The following RIMBP2 variants were observed in gnomAD, a reference collection of about 807,000 sequenced individuals.
RIMBP2 encodes the protein RIMS-binding protein 2.
Under a neutral mutation model 118.6 loss-of-function variants are expected in RIMBP2, and 48 were observed. That is an observed-to-expected ratio of 0.40 (90% CI 0.32 to 0.51). The LOEUF is 0.51. RIMBP2 is among the 20% of genes least tolerant of loss of function. RIMBP2 has a pLI of 0.41. For missense variants in RIMBP2, 1,551 were observed against 1,768.3 expected, an observed-to-expected ratio of 0.88 and a Z score of 2.20; for synonymous variants, 762 against 742.9, an observed-to-expected ratio of 1.03 and a Z score of -0.42.
chr12:130,622,090 A>T lies in RIMBP2; in HGVS notation c.-217+6232T>A, dbSNP rs969049716. Reference sequence around the variant, plus strand: ...AGTAACGACATTAAGAGCCATTTTAACTAGACATTTCCGCACAAATAAAAT... The same window carrying T: ...AGTAACGACATTAAGAGCCATTTTATCTAGACATTTCCGCACAAATAAAAT... On this transcript the variant is annotated intron_variant, in intron 2 of 22. Transcript: ENST00000690449. This position sits in a 1 kb window ranked among gnomAD's most constrained non-coding sequence, Gnocchi z 8.5. Among the ~76,000 whole-genome samples the T allele has an allele frequency of 2.0e-5, 3 of 152,268 alleles. No individual in the cohort carries two copies. Among genetic ancestry groups the T allele is most frequent in the African/African-American group, 7.2e-5 (3 of 41,476 alleles).
At chr12:130,488,326 A>G (rs1159900551) in intron 4 of RIMBP2, among the ~76,000 whole-genome samples, 6 of 152,188 alleles carry the variant, frequency 3.9e-5, no homozygotes, top group Non-Finnish European at 7.4e-5. Context: ...GGATGGCGAA[A>G]AAAAAGTTTA....
intron 4 of RIMBP2, among the ~76,000 whole-genome samples, chr12:130,483,494 G>A (rs1196695265): frequency 6.6e-6 from 1 of 152,258 alleles, no homozygotes; most frequent in Non-Finnish European, 1.5e-5. Context: ...GATGGGAGCT[G>A]CAGTCCTGCT....
At chr12:130,603,322 G>A (rs2140455825) in intron 2 of RIMBP2, among the ~76,000 whole-genome samples, 1 of 152,326 alleles carries the variant, frequency 6.6e-6, no homozygotes, top group South Asian at 2.1e-4. Context: ...AGTCTCTGTT[G>A]AAATAGAAGT....
chr12:130,696,263 G>A (rs1413026841), intron 1 of RIMBP2, among the ~76,000 whole-genome samples: 1 of 152,196 alleles, frequency 6.6e-6, no homozygotes, highest in Non-Finnish European at 1.5e-5. Flanking sequence ...GCCTGGGGAG[G>A]GCAGAGACAG....
chr12:130,622,189 G>T lies in RIMBP2; in HGVS notation c.-217+6133C>A, dbSNP rs540185303. ...GAACTTGCAGGCCTGTTTGTTTCAG[G>T]TTGGATCCTGGGTAACAGGCAGGGC... On this transcript the variant is annotated intron_variant, in intron 2 of 22. Transcript: ENST00000690449. This position sits in a 1 kb window ranked among gnomAD's most constrained non-coding sequence, Gnocchi z 8.5. Among the ~76,000 whole-genome samples the T allele has an allele frequency of 1.3e-5, 2 of 152,282 alleles. No homozygotes were observed. Among genetic ancestry groups the T allele is most frequent in the Admixed American group, 1.3e-4 (2 of 15,288 alleles).
At position 130,576,978 on chromosome 12, in the gene RIMBP2, G is replaced by A. The variant is rs1488885840; in HGVS notation, c.-217+51344C>T. Among the ~76,000 whole-genome samples, 1 of 152,196 alleles carries A rather than the reference G, an allele frequency of 6.6e-6. No individual in the cohort carries two copies. The highest frequency in any genetic ancestry group is 1.5e-5 in the Non-Finnish European group (1 of 68,026). ...GGATGGCCCAGACCTTCACAGAGGA[G>A]ACAAAATGTCCCGGCTGCAGCCTGA... On this transcript the variant is annotated intron_variant, in intron 2 of 22. Transcript: ENST00000690449. The surrounding 1 kb of genome is among the most constrained non-coding windows in gnomAD (Gnocchi z 4.2).
chr12:130,531,511 T>A (rs1323631979), intron 2 of RIMBP2, among the ~76,000 whole-genome samples: 1 of 152,272 alleles, frequency 6.6e-6, no homozygotes, highest in East Asian at 1.9e-4. Flanking sequence ...AGCCCTTCAT[T>A]ACTGTGTAGT....
At chr12:130,598,449 C>G (rs1376068610) in intron 2 of RIMBP2, among the ~76,000 whole-genome samples, 1 of 152,172 alleles carries the variant, frequency 6.6e-6, no homozygotes, top group Non-Finnish European at 1.5e-5. Flanking sequence ...AAAATTGGAG[C>G]CAAGTGCAGT....
In RIMBP2 at chr12:130,664,447, G is replaced by GTGCATGCACACA. The variant is rs1566439284; in HGVS notation, c.-351-35992_-351-35991insTGTGTGCATGCA. Among the ~76,000 whole-genome samples the GTGCATGCACACA allele has an allele frequency of 1.4e-4, 17 of 122,506 alleles. 1 individual carries two copies. In the East Asian group the frequency reaches 1.8e-3, roughly 13 times the overall value. The allele number at this position is 122,506 out of a possible 152,430, so 80.4% of individuals were successfully genotyped here. A position where few individuals can be genotyped will look rare whatever the true frequency, so the allele number is the denominator to read the frequency against. On this transcript the variant is annotated intron_variant, in intron 1 of 22. Transcript: ENST00000690449. ...CACACACATGCATGCACGCACACAC[G>GTGCATGCACACA]CACACACATGCACGCACACACACGC...
chr12:130,416,170 A>G (rs915834031), intron 17 of RIMBP2, among the ~76,000 whole-genome samples: 12 of 152,230 alleles, frequency 7.9e-5, no homozygotes, highest in African/African-American at 2.9e-4. Context: ...TACAGATTCA[A>G]TGCTATTTCT....
chr12:130,624,369 A>T (rs937010702), intron 2 of RIMBP2, among the ~76,000 whole-genome samples: 6 of 152,248 alleles, frequency 3.9e-5, no homozygotes, highest in Non-Finnish European at 7.3e-5. Context: ...GAAAATTAAA[A>T]GTTGCAGAAC....
At chr12:130,548,882 C>T (rs1193069798) in intron 2 of RIMBP2, among the ~76,000 whole-genome samples, 3 of 152,088 alleles carry the variant, frequency 2.0e-5, no homozygotes, top group Admixed American at 1.3e-4. Context: ...CCGCCGTGCC[C>T]AGCCTACCTC....
At chr12:130,656,441 T>A (rs2063432752) in intron 1 of RIMBP2, among the ~76,000 whole-genome samples, 2 of 152,126 alleles carry the variant, frequency 1.3e-5, no homozygotes, top group Admixed American at 1.3e-4. Flanking sequence ...TGCATTTGTG[T>A]CCTGAGGCAA....
chr12:130,614,368 G>A (rs933129957), intron 2 of RIMBP2, among the ~76,000 whole-genome samples: 9 of 152,124 alleles, frequency 5.9e-5, no homozygotes, highest in Non-Finnish European at 8.8e-5. Context: ...TAAACAAACC[G>A]ACGACATTCC....
At chr12:130,684,449 T>G (rs555375266) in intron 1 of RIMBP2, among the ~76,000 whole-genome samples, 4 of 152,354 alleles carry the variant, frequency 2.6e-5, no homozygotes, top group Admixed American at 2.0e-4. Context: ...TTTTAGAGTT[T>G]CACTCTTTTT....
intron 6 of RIMBP2, chr12:130,470,055 A>G (rs1221285740): frequency 6.6e-6 from 1 of 152,198 alleles, no homozygotes. Context: ...GTCACTCCCA[A>G]TACGCCACTC....
Position 130,502,786 on chromosome 12 carries a change from G to C in RIMBP2, c.-4+3862C>G, listed in dbSNP as rs527267755. ...CCCCTGGTGCCTGCAACAGTGCCTGGTACATAGTGCTCAATCAATCCTTGT... is the reference window on the plus strand; with the variant it reads ...CCCCTGGTGCCTGCAACAGTGCCTGCTACATAGTGCTCAATCAATCCTTGT... On this transcript the variant is annotated intron_variant, in intron 4 of 22. Transcript: ENST00000690449. Among the ~76,000 whole-genome samples the C allele has an allele frequency of 3.9e-4, 59 of 152,240 alleles. 1 individual carries two copies. Among genetic ancestry groups the C allele is most frequent in the Non-Finnish European group, 5.9e-5 (4 of 68,018 alleles).
intron 2 of RIMBP2, among the ~76,000 whole-genome samples, chr12:130,602,516 T>G (rs2059932694): frequency 6.6e-6 from 1 of 152,224 alleles, no homozygotes; most frequent in Non-Finnish European, 1.5e-5. Context: ...CGGCCACCTG[T>G]GTGGCAGCGC....
intron 1 of RIMBP2, among the ~76,000 whole-genome samples, chr12:130,638,234 G>A (rs781618443): frequency 1.2e-4 from 19 of 152,128 alleles, no homozygotes; most frequent in Non-Finnish European, 2.5e-4. Flanking sequence ...ACTCCCATAA[G>A]CAACCAAGAT....
Sources: gnomAD v4.1 joint callset for allele counts (sites outside exome capture counted in the v4.1 genomes callset) on GRCh38, gnomAD v4.1.1 for gene constraint, Gnocchi (gnomAD v3.1) non-coding constraint, MANE v1.5 for transcripts, NCBI Gene and HGNC (gene_info 2026-07-23, HGNC 2026-07-21) for gene names.